KLF16: variants seen among roughly 807,000 people sequenced by gnomAD.
The protein encoded by KLF16 is Krueppel-like factor 16.
A neutral mutation model predicts 6.1 loss-of-function variants in KLF16; 6 were observed. That is an observed-to-expected ratio of 0.98 (90% CI 0.54 to 1.93). The LOEUF (loss-of-function observed/expected upper bound fraction) is 1.93. KLF16 is among the 30% of genes most tolerant of loss of function. The probability of loss-of-function intolerance (pLI) is 0.01; values close to 1 mark genes in which losing one functional copy is unlikely to be tolerated. For missense variants in KLF16, 355 were observed against 363.8 expected (o/e 0.98, Z 0.20); for synonymous variants, 211 against 176.5 (o/e 1.20, Z -1.55).
intron 1 of KLF16, among the ~76,000 whole-genome samples, chr19:1,860,626 C>T (rs958569620): frequency 2.6e-5 from 4 of 152,136 alleles, no homozygotes; most frequent in African/African-American, 9.7e-5. Context: ...GGATCTTTCC[C>T]GGCCTCCACT....
chr19:1,856,952 GGGT>G lies in KLF16; in HGVS notation c.458-2195_458-2193del, dbSNP rs200601617. ...CTTTGCAAGGAGGAGCAGGTTGCCG[GGGT>G]GGGGGGGGCGACCGGGGCAGGGGCG... On this transcript the variant is annotated intron_variant, in intron 1 of 1. Transcript: ENST00000250916. Among the ~76,000 whole-genome samples the G allele has an allele frequency of 3.5e-4, 43 of 123,956 alleles. 11 individuals are homozygous for G. Among genetic ancestry groups the G allele is most frequent in the African/African-American group, 1.0e-3 (31 of 30,362 alleles). The allele number at this position is 123,956 out of a possible 152,430, so 81.3% of individuals were successfully genotyped here. A position where few individuals can be genotyped will look rare whatever the true frequency, so the allele number is the denominator to read the frequency against.
upstream of KLF16, among the ~76,000 whole-genome samples, chr19:1,864,237 G>A (rs897337080): frequency 2.6e-5 from 4 of 151,206 alleles, no homozygotes; most frequent in African/African-American, 9.7e-5. Flanking sequence ...GGGGTTGGAG[G>A]GGTGCGGAAG....
chr19:1,861,062 C>T (rs976453339), intron 1 of KLF16, among the ~76,000 whole-genome samples: 22 of 151,260 alleles, frequency 1.5e-4, no homozygotes, highest in African/African-American at 4.6e-4. Context: ...TGGGGATGCC[C>T]GACTGGGCAC....
chr19:1,860,880 G>A (rs1197769738), intron 1 of KLF16, among the ~76,000 whole-genome samples: 1 of 152,140 alleles, frequency 6.6e-6, no homozygotes, highest in African/African-American at 2.4e-5. Context: ...AATCCAAGGT[G>A]CCTGGGCCTG....
At chr19:1,863,658 C>A, upstream of KLF16, 1 of 160,198 alleles carries the variant, frequency 6.2e-6, no homozygotes, top group South Asian at 1.8e-4. Flanking sequence ...CCCGCCCCGC[C>A]TGACGCGTCC....
the KLF16 span, among the ~76,000 whole-genome samples, chr19:1,873,536 G>A: frequency 2.0e-5 from 3 of 152,256 alleles, no homozygotes; most frequent in African/African-American, 7.2e-5. Flanking sequence ...TGTACCAGGA[G>A]CAGGTGACAC....
chr19:1,863,048 C>T lies in KLF16; in HGVS notation c.450G>A (p.Thr150=), dbSNP rs758174504. The part of the protein sequence containing the change: ...KSSHLKSHLR[T]HTGERPFACD... ...GATCGCGGCTGCACTCACCTGTGTGCGTCCGCAGGTGCGACTTTAGGTGCG... is the reference window on the plus strand; with the variant it reads ...GATCGCGGCTGCACTCACCTGTGTGTGTCCGCAGGTGCGACTTTAGGTGCG... Residue 150 remains threonine (T), a synonymous_variant, in exon 1 of 2, where the codon ACG becomes ACA. Transcript: ENST00000250916. The T allele has an allele frequency of 7.2e-6, 10 of 1,395,152 alleles. No homozygotes were observed. The highest frequency in any genetic ancestry group is 6.6e-6 in the Non-Finnish European group (7 of 1,054,980). The allele number at this position is 1,395,152 out of a possible 1,614,324, so 86.4% of individuals were successfully genotyped here.
At chr19:1,874,746 C>CAAAAAAAAAAAAAA in the KLF16 span, 5 of 41,998 alleles carry the variant, frequency 1.2e-4, no homozygotes, top group African/African-American at 1.5e-4. Context: ...GTCAGAGTCC[C>CAAAAAAAAAAAAAA]AAAAAAAAAA....
At chr19:1,860,168 C>A in intron 1 of KLF16, 1 of 151,664 alleles carries the variant, frequency 6.6e-6, no homozygotes, top group Non-Finnish European at 1.5e-5. Flanking sequence ...AGCAGGGAGC[C>A]GACAGCCAGC....
upstream of KLF16, among the ~76,000 whole-genome samples, chr19:1,864,693 G>T (rs187634531): frequency 1.9e-3 from 292 of 151,894 alleles, 3 homozygotes; most frequent in African/African-American, 6.6e-3. Context: ...GGGTTCGGAC[G>T]GGAAAACTGA....
chr19:1,870,491 G>A, the KLF16 span, among the ~76,000 whole-genome samples: 4 of 152,132 alleles, frequency 2.6e-5, no homozygotes, highest in Non-Finnish European at 5.9e-5. Flanking sequence ...GGGCAACAAA[G>A]CAAGACTGCA....
rs986349111 is a variant in KLF16 at position 1,863,299 on chromosome 19, C to G, written c.199G>C (p.Gly67Arg). 4 of 982,556 alleles carry G rather than the reference C, an allele frequency of 4.1e-6. No homozygotes were observed. The African/African-American group carries it at 7.1e-5, about 18-fold the overall frequency. 60.9% of individuals were successfully genotyped at this position (982,556 alleles called of 1,614,324 possible). A position where few individuals can be genotyped will look rare whatever the true frequency, so the allele number is the denominator to read the frequency against. Reference protein sequence around the residue: ...GPPPPPPAASGPGPGAAAAPH... With the variant: ...GPPPPPPAASRPGPGAAAAPH... ...GCCGCGGCGGCGCCGGGGCCCGGGCCAGAAGCGGCGGGGGGCGGCGGGGGT... is the reference window on the plus strand; with the variant it reads ...GCCGCGGCGGCGCCGGGGCCCGGGCGAGAAGCGGCGGGGGGCGGCGGGGGT... Residue 67 changes from glycine to arginine, a missense_variant, in exon 1 of 2, where the codon GGC becomes CGC. Gly to Arg is a moderately radical substitution (Grantham distance 125, BLOSUM62 -2). Transcript: ENST00000250916.
Position 1,854,273 on chromosome 19 carries a change from A to T in KLF16, c.*186T>A. ...ACACAAGCCCCCGTCACCCATCCTG[A>T]GAGCCACCTCTGAGGTCAGGCAGAC... On this transcript the variant is annotated 3_prime_UTR_variant, in exon 2 of 2. Coordinates refer to ENST00000250916, the MANE Select transcript of KLF16 (RefSeq NM_031918.4). The T allele has an allele frequency of 1.6e-6, 1 of 606,838 alleles. No individual in the cohort carries two copies. Among genetic ancestry groups the T allele is most frequent in the Non-Finnish European group, 2.5e-6 (1 of 396,758 alleles). 37.6% of individuals were successfully genotyped at this position (606,838 alleles called of 1,614,324 possible).
the KLF16 span, chr19:1,875,115 T>C: frequency 6.6e-6 from 1 of 152,174 alleles, no homozygotes; most frequent in Admixed American, 6.5e-5. Context: ...GGGAGGGCGA[T>C]TTGGTACCAC....
At chr19:1,860,388 A>T (rs1049114598) in intron 1 of KLF16, 1 of 152,252 alleles carries the variant, frequency 6.6e-6, no homozygotes, top group Non-Finnish European at 1.5e-5. Flanking sequence ...CATGAAGAAC[A>T]TCCCACTGCT....
chr19:1,867,656 A>G (rs2012208781), upstream of KLF16, among the ~76,000 whole-genome samples: 1 of 152,184 alleles, frequency 6.6e-6, no homozygotes, highest in Non-Finnish European at 1.5e-5. Flanking sequence ...ACCTGAGGTC[A>G]GGAGTTCAAG....
chr19:1,857,848 G>A lies in KLF16; in HGVS notation c.458-3088C>T, dbSNP rs2011986360. 1.3e-5 allele frequency among the ~76,000 whole-genome samples: 2 copies of A among 152,192 alleles called. No homozygotes were observed. Among genetic ancestry groups the A allele is most frequent in the Admixed American group, 6.5e-5 (1 of 15,300 alleles). ...CCTCTTACCCACCCAGGGAAGGGAGGAGCTCCTGAAGGTGATCCTTGAGCA... is the reference window on the plus strand; with the variant it reads ...CCTCTTACCCACCCAGGGAAGGGAGAAGCTCCTGAAGGTGATCCTTGAGCA... On this transcript the variant is annotated intron_variant, in intron 1 of 1. Coordinates refer to ENST00000250916, the MANE Select transcript of KLF16 (RefSeq NM_031918.4). The surrounding 1 kb of genome is among the most constrained non-coding windows in gnomAD (Gnocchi z 4.7).
chr19:1,870,965 C>A, the KLF16 span, among the ~76,000 whole-genome samples: 1 of 152,186 alleles, frequency 6.6e-6, no homozygotes, highest in African/African-American at 2.4e-5. Flanking sequence ...CACTGCACTC[C>A]GGCCTGGGCC....
At chr19:1,873,263 G>A in the KLF16 span, among the ~76,000 whole-genome samples, 17 of 152,342 alleles carry the variant, frequency 1.1e-4, no homozygotes, top group South Asian at 3.5e-3. Context: ...GGGACCCCAC[G>A]AATGCCAGTC....
Sources: gnomAD v4.1 joint callset for allele counts (sites outside exome capture counted in the v4.1 genomes callset) on GRCh38, gnomAD v4.1.1 for gene constraint, Gnocchi (gnomAD v3.1) non-coding constraint, MANE v1.5 for transcripts, NCBI Gene and HGNC (gene_info 2026-07-23, HGNC 2026-07-21) for gene names.